The following RPS6KA2 variants were observed in gnomAD, a reference collection of about 807,000 sequenced individuals.
RPS6KA2 encodes the protein ribosomal protein S6 kinase A2.
In RPS6KA2, 42 loss-of-function variants were observed where a neutral mutation model predicts 91.8. The ratio of observed to expected loss-of-function variants is 0.46; its 90% CI spans 0.36 to 0.59. The LOEUF is 0.59. RPS6KA2 is among the 20% of genes least tolerant of loss of function. RPS6KA2 has a pLI of 0.00. For synonymous variants in RPS6KA2, 414 were observed against 393.6 expected (o/e 1.05, Z -0.61); for missense variants, 798 against 978.5 (o/e 0.82, Z 2.46).
intron 1 of RPS6KA2, among the ~76,000 whole-genome samples, chr6:166,560,525 G>A (rs1784312615): frequency 6.6e-6 from 1 of 152,228 alleles, no homozygotes; most frequent in African/African-American, 2.4e-5. Flanking sequence ...TAAGATATGT[G>A]ATCAGAATTC....
At chr6:166,463,729 T>C (rs957112467) in intron 11 of RPS6KA2, among the ~76,000 whole-genome samples, 6 of 152,174 alleles carry the variant, frequency 3.9e-5, no homozygotes, top group Non-Finnish European at 2.9e-5. Context: ...CATTTTGGAA[T>C]TAATACGCTC....
intron 6 of RPS6KA2, among the ~76,000 whole-genome samples, chr6:166,503,637 G>A (rs1271808999): frequency 6.6e-6 from 1 of 152,206 alleles, no homozygotes; most frequent in Non-Finnish European, 1.5e-5. Context: ...CTCAGGGCAG[G>A]GAAGAGTGAG....
At chr6:166,677,778 TGGA>T (rs1788661266) in intron 2 of RPS6KA2, among the ~76,000 whole-genome samples, 1 of 152,064 alleles carries the variant, frequency 6.6e-6, no homozygotes, top group East Asian at 1.9e-4. Flanking sequence ...TGTGGGTAGG[TGGA>T]GAAGGAGAGG....
intron 10 of RPS6KA2, among the ~76,000 whole-genome samples, chr6:166,475,499 C>T (rs1240871788): frequency 3.3e-5 from 5 of 152,194 alleles, no homozygotes; most frequent in Non-Finnish European, 7.3e-5. Flanking sequence ...CCTCCCCCCA[C>T]ACCCCGTCCA....
chr6:166,687,054 A>C (rs982194575), intron 2 of RPS6KA2, among the ~76,000 whole-genome samples: 1 of 152,210 alleles, frequency 6.6e-6, no homozygotes, highest in African/African-American at 2.4e-5. Context: ...CAACCAAGGC[A>C]TCTGCCCTGC....
At chr6:166,846,688 T>C (rs1471085662) in intron 2 of RPS6KA2, among the ~76,000 whole-genome samples, 3 of 152,198 alleles carry the variant, frequency 2.0e-5, no homozygotes, top group Non-Finnish European at 2.9e-5. Context: ...CTCAGGAATA[T>C]TGGCATAGAA....
rs1463820003 is a variant in RPS6KA2, at chr6:166,563,262, A to T, written c.100-24478T>A. Among the ~76,000 whole-genome samples the T allele has an allele frequency of 6.6e-6, 1 of 152,066 alleles. No homozygotes were observed. Among genetic ancestry groups the T allele is most frequent in the Non-Finnish European group, 1.5e-5 (1 of 67,984 alleles). On this transcript the variant is annotated intron_variant, in intron 1 of 20. Transcript: ENST00000265678. The surrounding 1 kb of genome is among the most constrained non-coding windows in gnomAD (Gnocchi z 4.1). Reference sequence around the variant, plus strand: ...GATGGAGAAGGCATCCTCCGGTGGGATGGGGTGGAGCTGGGAGAGGCCCCA... The same window carrying T: ...GATGGAGAAGGCATCCTCCGGTGGGTTGGGGTGGAGCTGGGAGAGGCCCCA...
At position 166,583,944 on chromosome 6, in the gene RPS6KA2, T is replaced by C. The variant is rs1785095926; in HGVS notation, c.99+42977A>G. ...ATTTCATCACCTTACCCCATAGTGA[T>C]AGTGACCCTCTAAGGGTCAACAAAA... On this transcript the variant is annotated intron_variant, in intron 1 of 20. Transcript: ENST00000265678. 2.6e-5 allele frequency among the ~76,000 whole-genome samples: 4 copies of C among 152,242 alleles called. No individual in the cohort carries two copies. The South Asian group carries it at 8.3e-4, about 32-fold the overall frequency.
chr6:166,618,589 G>T lies in RPS6KA2; in HGVS notation c.99+8332C>A, dbSNP rs993074021. 2.6e-5 allele frequency among the ~76,000 whole-genome samples: 4 copies of T among 152,228 alleles called. No homozygotes were observed. The East Asian group carries it at 7.7e-4, about 29-fold the overall frequency. On this transcript the variant is annotated intron_variant, in intron 1 of 20. Coordinates refer to ENST00000265678, the MANE Select transcript of RPS6KA2 (RefSeq NM_021135.6). Reference sequence around the variant, plus strand: ...CTAGAAGATCAGGCTCACAGGCAGTGAGAGGCCTTGGCTGAGTGGGAGGTG... The same window carrying T: ...CTAGAAGATCAGGCTCACAGGCAGTTAGAGGCCTTGGCTGAGTGGGAGGTG...
At chr6:166,491,462 G>A (rs976482434) in intron 8 of RPS6KA2, among the ~76,000 whole-genome samples, 5 of 152,186 alleles carry the variant, frequency 3.3e-5, no homozygotes, top group African/African-American at 7.2e-5. Flanking sequence ...TCAGAGCAAG[G>A]TGCACAGCTG....
chr6:166,520,235 T>C (rs1253263224), intron 3 of RPS6KA2, among the ~76,000 whole-genome samples: 1 of 152,186 alleles, frequency 6.6e-6, no homozygotes, highest in Non-Finnish European at 1.5e-5. Flanking sequence ...CTCCTGGTTC[T>C]CAGGACTTTG....
rs142309753 is a variant in RPS6KA2 at position 166,767,639 on chromosome 6, G to C, written c.123+90561C>G. Reference sequence around the variant, plus strand: ...CCACAATGTTCCAGGCTTAGCCCCCGCACTGCAGCTCCCTAAGTTGCTTTG... The same window carrying C: ...CCACAATGTTCCAGGCTTAGCCCCCCCACTGCAGCTCCCTAAGTTGCTTTG... On this transcript the variant is annotated intron_variant, in intron 2 of 21. Coordinates refer to the RPS6KA2 transcript ENST00000503859. The surrounding 1 kb of genome is among the most constrained non-coding windows in gnomAD (Gnocchi z 4.6). 2.6e-3 allele frequency among the ~76,000 whole-genome samples: 403 copies of C among 152,276 alleles called. 3 individuals carry two copies. Among genetic ancestry groups the C allele is most frequent in the African/African-American group, 9.1e-3 (378 of 41,550 alleles).
chr6:166,594,332 T>A (rs924431938), intron 1 of RPS6KA2, among the ~76,000 whole-genome samples: 1 of 152,228 alleles, frequency 6.6e-6, no homozygotes, highest in Non-Finnish European at 1.5e-5. Context: ...TAATTTGAGT[T>A]TTTAAAAATT....
At chr6:166,530,017 CTA>C (rs1783210657) in intron 3 of RPS6KA2, among the ~76,000 whole-genome samples, 1 of 152,180 alleles carries the variant, frequency 6.6e-6, no homozygotes, top group African/African-American at 2.4e-5. Flanking sequence ...CATATTTGGT[CTA>C]TGCATTTTTT....
At chr6:166,464,892 C>G (rs1486132501) in intron 11 of RPS6KA2, among the ~76,000 whole-genome samples, 1 of 152,212 alleles carries the variant, frequency 6.6e-6, no homozygotes, top group Non-Finnish European at 1.5e-5. Context: ...CAGCCCACAC[C>G]TCCACCGTCC....
chr6:166,659,780 C>G (rs979340955), intron 2 of RPS6KA2, among the ~76,000 whole-genome samples: 1 of 152,198 alleles, frequency 6.6e-6, no homozygotes, highest in Non-Finnish European at 1.5e-5. Context: ...CCGTACAGCT[C>G]TAGCACCGAC....
chr6:166,525,230 G>A (rs1562555999), intron 3 of RPS6KA2, among the ~76,000 whole-genome samples: 1 of 152,166 alleles, frequency 6.6e-6, no homozygotes, highest in Non-Finnish European at 1.5e-5. Flanking sequence ...TTACCCTTTG[G>A]AATTCATTTT....
chr6:166,596,875 T>C (rs1231670781), intron 1 of RPS6KA2, among the ~76,000 whole-genome samples: 2 of 152,164 alleles, frequency 1.3e-5, no homozygotes, highest in African/African-American at 4.8e-5. Flanking sequence ...CTGAAATCTT[T>C]ACTGTGGGAC....
chr6:166,430,363 C>A lies in RPS6KA2; in HGVS notation c.1581+90G>T, dbSNP rs1031453079. 5.8e-5 allele frequency: 68 copies of A among 1,172,806 alleles called. No homozygotes were observed. In the African/African-American group the frequency reaches 9.6e-4, roughly 17 times the overall value. The allele number at this position is 1,172,806 out of a possible 1,614,324, so 72.6% of individuals were successfully genotyped here. A position where few individuals can be genotyped will look rare whatever the true frequency, so the allele number is the denominator to read the frequency against. On this transcript the variant is annotated intron_variant, in intron 16 of 20. Transcript: ENST00000265678. ...AAGGAATTCCAGGACAATCCGCGTT[C>A]TCAGCTCTTGAACCCATAAACCCTT...
Sources: allele counts gnomAD v4.1 joint callset (sites outside exome capture counted in the v4.1 genomes callset), GRCh38; gene constraint gnomAD v4.1.1; non-coding constraint Gnocchi (gnomAD v3.1); transcripts MANE v1.5; gene names NCBI Gene and HGNC (gene_info 2026-07-23, HGNC 2026-07-21).